The following HMCN2 variants were observed in gnomAD, a reference collection of about 807,000 sequenced individuals.
HMCN2 encodes hemicentin-2.
In HMCN2, 325 loss-of-function variants were observed where a neutral mutation model predicts 377.5. The observed-to-expected ratio is 0.86, with a 90% CI of 0.79 to 0.94. HMCN2 has a LOEUF of 0.94. HMCN2 is among the 40% of genes least tolerant of loss of function. The pLI is 0.00. For missense variants in HMCN2, 4,543 were observed against 4,725.3 expected (o/e 0.96, Z 1.13); for synonymous variants, 2,007 against 2,046.8 (o/e 0.98, Z 0.53).
In HMCN2 at chr9:130,397,628, C is replaced by A; in HGVS notation, c.11299C>A (p.Arg3767Ser). 1 of 1,289,806 alleles carries A rather than the reference C, an allele frequency of 7.8e-7. No individual in the cohort carries two copies. The highest frequency in any genetic ancestry group is 1.0e-6 in the Non-Finnish European group (1 of 988,882). The allele number at this position is 1,289,806 out of a possible 1,614,324, so 79.9% of individuals were successfully genotyped here. ...CLASNSAGSDRQGRDLRVLEP... is the reference protein window; with the variant it reads ...CLASNSAGSDSQGRDLRVLEP... ...GGCATCCAACTCTGCTGGCTCCGAT[C>A]GTCAAGGCCGTGACCTACGGGTCTT... The change falls in exon 74 of 98, where the codon CGT (arginine) becomes AGT (serine). Residue 3767 changes from arginine to serine, a missense_variant. Coordinates refer to ENST00000683500, the MANE Select transcript of HMCN2 (RefSeq NM_001291815.2).
At chr9:130,269,570 A>AATTAAT (rs1834302099) in intron 1 of HMCN2, among the ~76,000 whole-genome samples, 1 of 148,370 alleles carries the variant, frequency 6.7e-6, no homozygotes, top group African/African-American at 2.4e-5. Context: ...CAACACTGGA[A>AATTAAT]ATTAATATAA....
intron 34 of HMCN2, among the ~76,000 whole-genome samples, 155 bp from the exon 35 acceptor site, chr9:130,357,679 C>A (rs530261091): frequency 2.0e-5 from 3 of 152,236 alleles, no homozygotes; most frequent in South Asian, 4.1e-4. Context: ...CTAAGCCATG[C>A]GTCTAGGGGA....
At chr9:130,297,761 AGTTT>A (rs782544173) in intron 7 of HMCN2, among the ~76,000 whole-genome samples, 35 of 152,224 alleles carry the variant, frequency 2.3e-4, no homozygotes, top group African/African-American at 7.7e-4. Flanking sequence ...CTGCTTGCTC[AGTTT>A]GTTTGTTTTG....
intron 25 of HMCN2, among the ~76,000 whole-genome samples, chr9:130,346,254 C>G (rs1839386314): frequency 1.3e-5 from 2 of 152,106 alleles, no homozygotes; most frequent in Non-Finnish European, 2.9e-5. Flanking sequence ...CAGTGTGCCT[C>G]AAAGGGGTCA....
chr9:130,348,090 T>C (rs1423684051), intron 26 of HMCN2: 3 of 971,042 alleles, frequency 3.1e-6, no homozygotes, highest in Non-Finnish European at 3.7e-6. Flanking sequence ...CTGGCCCCGC[T>C]TGGGCAGTTC....
Position 130,382,330 on chromosome 9 carries a change from G to A in HMCN2, c.8545+33G>A, listed in dbSNP as rs961548530. The A allele has an allele frequency of 2.3e-5, 22 of 946,720 alleles. No homozygotes were observed. The African/African-American group carries it at 2.5e-4, about 11-fold the overall frequency. The allele number at this position is 946,720 out of a possible 1,614,324, so 58.6% of individuals were successfully genotyped here. A position where few individuals can be genotyped will look rare whatever the true frequency, so the allele number is the denominator to read the frequency against. On this transcript the variant is annotated intron_variant, in intron 55 of 97. Transcript: ENST00000683500. ...GCGGGGCCTGCAGGTGGGGATTCCC[G>A]GGACTGCAAGCGCCGTAAGGGCCTC...
chr9:130,422,831 G>A lies in HMCN2; in HGVS notation c.13381+105G>A. On this transcript the variant is annotated intron_variant, in intron 87 of 97. Coordinates refer to ENST00000683500, the MANE Select transcript of HMCN2 (RefSeq NM_001291815.2). This position sits in a 1 kb window ranked among gnomAD's most constrained non-coding sequence, Gnocchi z 4.2. ...AGGAGGCGCAGAGCCTGTGCCCCGA[G>A]ACTTGCTCAAGGCCTGATGACCAGA... is the stretch of plus-strand genomic sequence containing the variant. 1 of 990,382 alleles carries A rather than the reference G, an allele frequency of 1.0e-6. No homozygotes were observed. Among genetic ancestry groups the A allele is most frequent in the Non-Finnish European group, 1.3e-6 (1 of 764,004 alleles). The allele number at this position is 990,382 out of a possible 1,614,324, so 61.3% of individuals were successfully genotyped here. A position where few individuals can be genotyped will look rare whatever the true frequency, so the allele number is the denominator to read the frequency against.
At position 130,397,637 on chromosome 9, in the gene HMCN2, C is replaced by G. The variant is rs1054756062; in HGVS notation, c.11308C>G (p.Arg3770Gly). 3 of 1,289,802 alleles carry G rather than the reference C, an allele frequency of 2.3e-6. No homozygotes were observed. Among genetic ancestry groups the G allele is most frequent in the Non-Finnish European group, 3.0e-6 (3 of 988,870 alleles). 79.9% of individuals were successfully genotyped at this position (1,289,802 alleles called of 1,614,324 possible). A position where few individuals can be genotyped will look rare whatever the true frequency, so the allele number is the denominator to read the frequency against. Residue 3770 changes from arginine (R) to glycine (G), a missense_variant, in exon 74 of 98, where the codon CGT (arginine) becomes GGT (glycine). Around this residue, in one of 5 missense-constraint regions of HMCN2, gnomAD observed 1,073 missense variants for 1,319.5 expected, o/e 0.81. Transcript: ENST00000683500. ...SNSAGSDRQG[R>G]DLRVLEPPAI... Reference sequence around the variant, plus strand: ...CTCTGCTGGCTCCGATCGTCAAGGCCGTGACCTACGGGTCTTGGGTAGGTG... The same window carrying G: ...CTCTGCTGGCTCCGATCGTCAAGGCGGTGACCTACGGGTCTTGGGTAGGTG...
In HMCN2 at chr9:130,369,095, G is replaced by GTATT. The variant is rs1196250205; in HGVS notation, c.6788-474_6788-471dup. Among the ~76,000 whole-genome samples the GTATT allele has an allele frequency of 1.3e-5, 2 of 152,124 alleles. No individual in the cohort carries two copies. The highest frequency in any genetic ancestry group is 2.4e-5 in the African/African-American group (1 of 41,422). On this transcript the variant is annotated intron_variant, in intron 44 of 97. Transcript: ENST00000683500. This position sits in a 1 kb window ranked among gnomAD's most constrained non-coding sequence, Gnocchi z 4.5. ...AGCTGGAAACCCGAAAGAAGCATGA[G>GTATT]TATTATGTGAAGCTCCTATATATGA...
chr9:130,316,326 G>A (rs1446272509), intron 15 of HMCN2, among the ~76,000 whole-genome samples: 5 of 151,890 alleles, frequency 3.3e-5, no homozygotes, highest in African/African-American at 9.7e-5. Context: ...GGACACAGGG[G>A]TAGGGAGCTC....
At chr9:130,330,968 AACACAC>A (rs1173053980) in intron 22 of HMCN2, among the ~76,000 whole-genome samples, 190 of 131,508 alleles carry the variant, frequency 1.4e-3, no homozygotes, top group African/African-American at 4.5e-3. Context: ...TCTCTACTGA[AACACAC>A]ACACACACAC....
chr9:130,365,312 C>G (rs1214062577), intron 41 of HMCN2, among the ~76,000 whole-genome samples: 3 of 152,274 alleles, frequency 2.0e-5, no homozygotes, highest in Admixed American at 2.0e-4. Context: ...TTGAGCTTTC[C>G]AAAGAGGCTG....
intron 50 of HMCN2, 39 bp downstream of exon 50, chr9:130,375,775 G>T: frequency 1.0e-6 from 1 of 984,662 alleles, no homozygotes; most frequent in South Asian, 4.7e-5. Context: ...GGGAACAGGT[G>T]ACATGTCATC....
At chr9:130,284,830 C>T (rs1364666429) in intron 2 of HMCN2, among the ~76,000 whole-genome samples, 157 bp downstream of exon 2, 1 of 152,210 alleles carries the variant, frequency 6.6e-6, no homozygotes, top group Admixed American at 6.5e-5. Flanking sequence ...GTTAGCTGCT[C>T]CCATGGCCCC....
chr9:130,338,855 AAAT>A (rs1475087343), intron 23 of HMCN2, among the ~76,000 whole-genome samples: 1 of 152,234 alleles, frequency 6.6e-6, no homozygotes, highest in Admixed American at 6.5e-5. Context: ...AAAACCAACT[AAAT>A]AATATTTTGT....
intron 22 of HMCN2, among the ~76,000 whole-genome samples, chr9:130,336,944 C>T (rs1470641357): frequency 6.6e-6 from 1 of 152,102 alleles, no homozygotes; most frequent in Non-Finnish European, 1.5e-5. Context: ...CAGCAGAAAG[C>T]AAGGTGGGGG....
intron 25 of HMCN2, among the ~76,000 whole-genome samples, chr9:130,346,716 A>C (rs1381262232): frequency 6.6e-6 from 1 of 152,098 alleles, no homozygotes; most frequent in Non-Finnish European, 1.5e-5. Context: ...GGAAAAAAAC[A>C]AAGAGCCTGG....
intron 87 of HMCN2, among the ~76,000 whole-genome samples, chr9:130,424,545 C>T (rs1177736724): frequency 5.3e-5 from 8 of 152,048 alleles, no homozygotes; most frequent in Admixed American, 5.2e-4. Context: ...CTAGCATTTC[C>T]TTGTATAAAT....
At chr9:130,416,047 A>C (rs954111797) in intron 85 of HMCN2, among the ~76,000 whole-genome samples, 1 of 151,558 alleles carries the variant, frequency 6.6e-6, no homozygotes, top group African/African-American at 2.4e-5. Context: ...GCACAGCCCC[A>C]GGCAGGAGGG....
Sources: gnomAD v4.1 joint callset for allele counts (sites outside exome capture counted in the v4.1 genomes callset) on GRCh38, gnomAD v4.1.1 for gene constraint, gnomAD v4.1.1 regional missense constraint, Gnocchi (gnomAD v3.1) non-coding constraint, MANE v1.5 for transcripts, NCBI Gene and HGNC (gene_info 2026-07-23, HGNC 2026-07-21) for gene names.